Variants in CCNH observed in about 807,000 individuals in gnomAD.
The protein encoded by CCNH is cyclin H, also known as cyclin-H.
CCNH carries 31 observed loss-of-function variants against 41.9 expected under a neutral mutation model. That is an observed-to-expected ratio of 0.74 (90% confidence interval 0.56 to 1.00). The LOEUF (loss-of-function observed/expected upper bound fraction) is 1.00, where lower values mean the gene tolerates loss of function less well. CCNH is among the 50% of genes least tolerant of loss of function. The probability of loss-of-function intolerance (pLI) is 0.00; values close to 1 mark genes in which losing one functional copy is unlikely to be tolerated. For synonymous variants in CCNH, 138 were observed against 136.1 expected, an observed-to-expected ratio of 1.01 and a Z score of -0.10; for missense variants, 362 against 388.4, an observed-to-expected ratio of 0.93 and a Z score of 0.57.
rs558690353 is a variant in CCNH at position 87,327,024 on chromosome 5, A to G, written c.*91-8127T>C. Among the ~76,000 whole-genome samples the G allele has an allele frequency of 1.1e-3, 175 of 152,322 alleles. 2 individuals are homozygous for G. Among genetic ancestry groups the G allele is most frequent in the African/African-American group, 4.1e-3 (170 of 41,572 alleles). ...TTAGTTTTTTTGAAGAAGTTTATTA[A>G]TCAGTCCCATATCCTTTGAGTATCC... is the stretch of plus-strand genomic sequence containing the variant. On this transcript the variant is annotated intron_variant and NMD_transcript_variant, in intron 9 of 9. Coordinates refer to the CCNH transcript ENST00000645953.
At chr5:87,320,531 C>T (rs1375608341) in intron 9 of CCNH, among the ~76,000 whole-genome samples, 1 of 152,180 alleles carries the variant, frequency 6.6e-6, no homozygotes, top group Non-Finnish European at 1.5e-5. Context: ...AACATCTTCA[C>T]ATGGTGACAG....
intron 9 of CCNH, among the ~76,000 whole-genome samples, chr5:87,322,237 G>A (rs879594277): frequency 1.3e-5 from 2 of 152,140 alleles, no homozygotes; most frequent in Non-Finnish European, 2.9e-5. Flanking sequence ...CACAGCAGGA[G>A]GTGTGAGCCA....
chr5:87,342,543 GTTTTCTTT>G (rs1399042763), intron 9 of CCNH, among the ~76,000 whole-genome samples: 1 of 152,112 alleles, frequency 6.6e-6, no homozygotes, highest in East Asian at 1.9e-4. Flanking sequence ...TATATTCCCA[GTTTTCTTT>G]AGACACAATA....
chr5:87,410,560 TAA>T (rs1764154682), intron 2 of CCNH, among the ~76,000 whole-genome samples: 1 of 152,200 alleles, frequency 6.6e-6, no homozygotes, highest in African/African-American at 2.4e-5. Flanking sequence ...GACTTTTACT[TAA>T]GATATACTTT....
chr5:87,371,727 A>G (rs540397847), downstream of CCNH, among the ~76,000 whole-genome samples: 102 of 152,262 alleles, frequency 6.7e-4, no homozygotes, highest in African/African-American at 2.4e-3. Flanking sequence ...CACAAAGTGT[A>G]TCAAGTTAAA....
At chr5:87,366,630 GA>G (rs1168920105) in intron 9 of CCNH, 1 of 159,232 alleles carries the variant, frequency 6.3e-6, no homozygotes, top group Non-Finnish European at 1.4e-5. Context: ...GAAGACATTA[GA>G]AAAAGTCTTT....
intron 9 of CCNH, among the ~76,000 whole-genome samples, chr5:87,322,331 C>T (rs933608481): frequency 1.4e-4 from 22 of 152,108 alleles, no homozygotes; most frequent in Admixed American, 1.4e-3. Flanking sequence ...TTCACAGGAG[C>T]GCAAACCCTA....
At position 87,332,497 on chromosome 5, in the gene CCNH, G is replaced by A. The variant is rs1373360108; in HGVS notation, c.*91-13600C>T. The A allele has an allele frequency of 1.2e-6, 2 of 1,602,890 alleles. No individual in the cohort carries two copies. Among genetic ancestry groups the A allele is most frequent in the African/African-American group, 2.7e-5 (2 of 74,534 alleles). On this transcript the variant is annotated intron_variant and NMD_transcript_variant, in intron 9 of 9. Coordinates refer to the CCNH transcript ENST00000645953. ...ATTTTTTTATACTGTATTTTTTCCT[G>A]TTCAAATAGGATTATTGCTATGTGT...
chr5:87,408,315 G>A (rs919549348), intron 3 of CCNH, 129 bp from the exon 4 acceptor site: 21 of 502,262 alleles, frequency 4.2e-5, no homozygotes, highest in East Asian at 1.2e-4. Context: ...ATTCAAAAGC[G>A]ACTGCTAGAC....
chr5:87,384,129 C>CA (rs1283162013), intron 9 of CCNH, among the ~76,000 whole-genome samples: 1 of 152,120 alleles, frequency 6.6e-6, no homozygotes, highest in African/African-American at 2.4e-5. Flanking sequence ...CATTGCTAGA[C>CA]TGCTGCCAGC....
At chr5:87,391,661 T>C (rs552251823), downstream of CCNH, 38 of 233,096 alleles carry the variant, frequency 1.6e-4, no homozygotes, top group African/African-American at 7.0e-4. Flanking sequence ...CATTCAACCA[T>C]TTTATAGACT....
chr5:87,369,701 T>G (rs564376030), intron 9 of CCNH: 3 of 762,816 alleles, frequency 3.9e-6, no homozygotes, highest in East Asian at 5.5e-5. Flanking sequence ...TATTATTTCT[T>G]TAAGAATTAT....
At chr5:87,370,434 A>C (rs996858273) in intron 9 of CCNH, among the ~76,000 whole-genome samples, 8 of 152,196 alleles carry the variant, frequency 5.3e-5, no homozygotes, top group Non-Finnish European at 8.8e-5. Flanking sequence ...GTGTGAAGAA[A>C]TAATATTTTT....
chr5:87,331,410 C>T lies in CCNH; in HGVS notation c.*91-12513G>A, dbSNP rs760186488. ...GAACGCCTCAGGCAGGCAGGGAAGT[C>T]TGGCAGTTATCTTATAAGAGAGAGT... On this transcript the variant is annotated intron_variant and NMD_transcript_variant, in intron 9 of 9. Transcript: ENST00000645953. The T allele has an allele frequency of 6.2e-7, 1 of 1,613,484 alleles. No individual in the cohort carries two copies. The highest frequency in any genetic ancestry group is 1.3e-5 in the African/African-American group (1 of 74,898).
intron 9 of CCNH, among the ~76,000 whole-genome samples, chr5:87,371,071 A>G (rs2112477603): frequency 6.6e-6 from 1 of 152,212 alleles, no homozygotes. Context: ...AGAAATTTAA[A>G]CTTCAGTATC....
intron 9 of CCNH, among the ~76,000 whole-genome samples, chr5:87,335,777 G>C (rs1446836390): frequency 2.0e-5 from 3 of 152,140 alleles, no homozygotes; most frequent in Non-Finnish European, 4.4e-5. Flanking sequence ...AGAAGATATA[G>C]ATAGCTCAGT....
chr5:87,407,838 C>G (rs1763912332), intron 4 of CCNH, 138 bp downstream of exon 4: 3 of 617,730 alleles, frequency 4.9e-6, no homozygotes, highest in South Asian at 4.2e-5. Flanking sequence ...AACAACTGCC[C>G]TAGATGACCA....
intron 9 of CCNH, among the ~76,000 whole-genome samples, chr5:87,320,568 C>T (rs182251055): frequency 8.5e-5 from 13 of 152,154 alleles, no homozygotes; most frequent in South Asian, 4.2e-4. Flanking sequence ...AGTGGGGAAG[C>T]GCCACACACT....
chr5:87,335,425 T>G (rs941696368), intron 9 of CCNH, among the ~76,000 whole-genome samples: 1 of 141,962 alleles, frequency 7.0e-6, no homozygotes, highest in African/African-American at 2.6e-5. Context: ...TGAGGTTTTT[T>G]TTTTTTTTTT....
Sources: allele counts gnomAD v4.1 joint callset (sites outside exome capture counted in the v4.1 genomes callset), GRCh38; gene constraint gnomAD v4.1.1; transcripts MANE v1.5; gene names NCBI Gene and HGNC (gene_info 2026-07-23, HGNC 2026-07-21).